SYT7: variants seen among roughly 807,000 people sequenced by gnomAD.
SYT7 encodes synaptotagmin-7.
A neutral mutation model predicts 75.1 loss-of-function variants in SYT7; 29 were observed. The ratio of observed to expected loss-of-function variants is 0.39; its 90% confidence interval spans 0.29 to 0.53. The LOEUF (loss-of-function observed/expected upper bound fraction) is 0.53. Ranked by LOEUF, SYT7 falls within the 20% of genes least tolerant of loss-of-function variation. SYT7 has a pLI of 0.77. For synonymous variants in SYT7, 376 were observed against 401.7 expected (o/e 0.94, Z 0.76); for missense variants, 693 against 953.2 (o/e 0.73, Z 3.59).
chr11:61,562,048 G>A (rs1325873018), intron 1 of SYT7, among the ~76,000 whole-genome samples: 4 of 149,244 alleles, frequency 2.7e-5, no homozygotes, highest in East Asian at 2.0e-4. Flanking sequence ...ACACACATAT[G>A]CACACACACA....
Position 61,542,406 on chromosome 11 carries a change from A to G in SYT7, c.746T>C (p.Leu249Pro). The stretch of plus-strand genomic sequence containing the variant: ...GGCCATGTGGGCCTGCAGCTGGCCC[A>G]GGCTCTGGCTGGTGGTGGGCTGGCT... ...QPSQPTTSQSLGQLQAHMASA... is the reference protein window; with the variant it reads ...QPSQPTTSQSPGQLQAHMASA... Residue 249 changes from leucine to proline, a missense_variant, in exon 6 of 13, where the codon CTG (leucine) becomes CCG (proline). Around this residue, in one of 2 missense-constraint regions of SYT7, gnomAD observed 487 missense variants for 593.2 expected, o/e 0.82. Transcript: ENST00000539008. The surrounding 1 kb of genome is among the most constrained non-coding windows in gnomAD (Gnocchi z 7.8). 1 of 1,532,202 alleles carries G rather than the reference A, an allele frequency of 6.5e-7. No homozygotes were observed. Among genetic ancestry groups the G allele is most frequent in the East Asian group, 2.5e-5 (1 of 40,802 alleles). 94.9% of individuals were successfully genotyped at this position (1,532,202 alleles called of 1,614,324 possible).
intron 6 of SYT7, chr11:61,541,445 A>T: frequency 4.4e-6 from 1 of 226,084 alleles, no homozygotes; most frequent in Non-Finnish European, 7.2e-6. Context: ...CAGGGAGAGC[A>T]GGGGGTGGGC....
intron 9 of SYT7, chr11:61,526,551 C>T (rs1454608768): frequency 6.6e-6 from 1 of 152,238 alleles, no homozygotes; most frequent in African/African-American, 2.4e-5. Context: ...CTCCATTAGG[C>T]CAGAAATGCC....
At chr11:61,518,817 C>T in intron 12 of SYT7, 86 bp from the exon 13 acceptor site, 1 of 971,662 alleles carries the variant, frequency 1.0e-6, no homozygotes, top group Non-Finnish European at 1.5e-6. Flanking sequence ...CCAACTCCAC[C>T]ATGATACCCT....
intron 8 of SYT7, among the ~76,000 whole-genome samples, chr11:61,529,881 C>T (rs547385527): frequency 2.0e-5 from 3 of 152,292 alleles, no homozygotes; most frequent in Admixed American, 6.5e-5. Flanking sequence ...GTGATATGCC[C>T]GCCTCAGCTT....
chr11:61,562,151 T>C (rs1186860377), intron 1 of SYT7, among the ~76,000 whole-genome samples: 1 of 152,182 alleles, frequency 6.6e-6, no homozygotes, highest in East Asian at 1.9e-4. Flanking sequence ...ACTCCTGATT[T>C]TTTTAGGCCC....
In SYT7 at chr11:61,536,258, G is replaced by A. The variant is rs1319583842; in HGVS notation, c.1064+1886C>T. ...ACAAGCTGATGTGAAGATCAGAAGG[G>A]ATGGGTGTGTTAAACATGGAGTGAG... is the stretch of plus-strand genomic sequence containing the variant. On this transcript the variant is annotated intron_variant, in intron 7 of 12. Transcript: ENST00000539008. Among the ~76,000 whole-genome samples, 5 of 152,218 alleles carry A rather than the reference G, an allele frequency of 3.3e-5. No individual in the cohort carries two copies. In the East Asian group the frequency reaches 7.7e-4, roughly 23 times the overall value.
rs1249369798 is a variant in SYT7 at position 61,558,396 on chromosome 11, G to C, written c.32-2189C>G. On this transcript the variant is annotated intron_variant, in intron 1 of 12. Transcript: ENST00000539008. Reference sequence around the variant, plus strand: ...TTGAACTCTGGCATGGGGGTTGGAGGGGGGCGGAGGTTTTAGTGAGCTGAG... The same window carrying C: ...TTGAACTCTGGCATGGGGGTTGGAGCGGGGCGGAGGTTTTAGTGAGCTGAG... 4.6e-5 allele frequency among the ~76,000 whole-genome samples: 7 copies of C among 151,930 alleles called. No homozygotes were observed. The South Asian group carries it at 1.0e-3, about 23-fold the overall frequency.
intron 12 of SYT7, among the ~76,000 whole-genome samples, chr11:61,521,481 T>C (rs1590816910): frequency 6.6e-6 from 1 of 152,300 alleles, no homozygotes; most frequent in East Asian, 1.9e-4. Context: ...ACATACTTTT[T>C]CTGGAGTATG....
At chr11:61,566,993 A>T (rs1305379862) in intron 1 of SYT7, among the ~76,000 whole-genome samples, 2 of 152,178 alleles carry the variant, frequency 1.3e-5, no homozygotes, top group African/African-American at 4.8e-5. Flanking sequence ...CCATCCTGGG[A>T]TTCAAATCCA....
chr11:61,538,005 G>C, intron 7 of SYT7, 139 bp downstream of exon 7: 2 of 1,306,428 alleles, frequency 1.5e-6, no homozygotes, highest in Non-Finnish European at 2.1e-6. Context: ...ACCGGCTGGG[G>C]AGGGGGCTTG....
chr11:61,527,447 C>T (rs2062554908), intron 9 of SYT7, among the ~76,000 whole-genome samples: 1 of 152,220 alleles, frequency 6.6e-6, no homozygotes, highest in African/African-American at 2.4e-5. Flanking sequence ...CCCAGGCAGC[C>T]TGGGCCACAG....
At chr11:61,522,353 C>A (rs1216522899) in intron 12 of SYT7, among the ~76,000 whole-genome samples, 1 of 151,948 alleles carries the variant, frequency 6.6e-6, no homozygotes, top group Admixed American at 6.6e-5. Flanking sequence ...CCATGCCCGG[C>A]TAATTTTTCT....
At chr11:61,534,423 G>C (rs187412588) in intron 7 of SYT7, among the ~76,000 whole-genome samples, 1 of 131,944 alleles carries the variant, frequency 7.6e-6, no homozygotes, top group Non-Finnish European at 1.6e-5. Flanking sequence ...GCACACATGC[G>C]CATACACACA....
At chr11:61,558,413 T>A (rs1189976307) in intron 1 of SYT7, among the ~76,000 whole-genome samples, 1 of 151,608 alleles carries the variant, frequency 6.6e-6, no homozygotes, top group Non-Finnish European at 1.5e-5. Flanking sequence ...GAGGTTTTAG[T>A]GAGCTGAGAT....
intron 3 of SYT7, among the ~76,000 whole-genome samples, chr11:61,548,318 G>C (rs1565190043): frequency 6.6e-6 from 1 of 152,192 alleles, no homozygotes; most frequent in East Asian, 1.9e-4. Flanking sequence ...GCTGGGTCTG[G>C]AAGGGACCCT....
intron 6 of SYT7, 80 bp from the exon 7 acceptor site, chr11:61,538,346 G>GAGAGAGAGAGA: frequency 5.0e-6 from 1 of 198,068 alleles, no homozygotes; most frequent in Non-Finnish European, 8.6e-6. Context: ...GGAGAGAGAG[G>GAGAGAGAGAGA]GAGAGAGAGA....
chr11:61,549,194 G>A (rs879623051), intron 3 of SYT7, among the ~76,000 whole-genome samples: 2 of 152,046 alleles, frequency 1.3e-5, no homozygotes, highest in Non-Finnish European at 2.9e-5. Flanking sequence ...TCCACCCAGA[G>A]TCACCACTGC....
At chr11:61,525,049 C>A (rs1451711729) in intron 9 of SYT7, among the ~76,000 whole-genome samples, 1 of 152,196 alleles carries the variant, frequency 6.6e-6, no homozygotes, top group Admixed American at 6.5e-5. Context: ...TCCTGTGACT[C>A]CACACCCCTC....
Sources: allele counts gnomAD v4.1 joint callset (sites outside exome capture counted in the v4.1 genomes callset), GRCh38; gene constraint gnomAD v4.1.1; regional missense constraint gnomAD v4.1.1; non-coding constraint Gnocchi (gnomAD v3.1); transcripts MANE v1.5; gene names NCBI Gene and HGNC (gene_info 2026-07-23, HGNC 2026-07-21).